Variants in SKAP1 observed in about 807,000 individuals in gnomAD.
The protein encoded by SKAP1 is src kinase-associated phosphoprotein 1.
SKAP1 carries 44 observed loss-of-function variants against 58.5 expected under a neutral mutation model. The observed-to-expected ratio is 0.75, with a 90% CI of 0.59 to 0.97. SKAP1 has a LOEUF of 0.97. Among genes scored for constraint, SKAP1 ranks in the 50% least tolerant of loss-of-function variants. SKAP1 has a pLI of 0.00. For synonymous variants in SKAP1, 127 were observed against 149.7 expected (o/e 0.85, Z 1.11); for missense variants, 390 against 435.2 (o/e 0.90, Z 0.92).
chr17:48,181,708 C>A (rs1478218095), intron 8 of SKAP1, among the ~76,000 whole-genome samples: 1 of 152,160 alleles, frequency 6.6e-6, no homozygotes, highest in Admixed American at 6.5e-5. Flanking sequence ...TAGGGTCCTG[C>A]CATGATGGTA....
chr17:48,280,307 T>A (rs559632018), intron 4 of SKAP1, among the ~76,000 whole-genome samples: 22 of 152,066 alleles, frequency 1.4e-4, no homozygotes, highest in African/African-American at 5.3e-4. Context: ...CCGTCTCTAC[T>A]AAAAATACAA....
intron 4 of SKAP1, among the ~76,000 whole-genome samples, chr17:48,317,999 G>A (rs2066311590): frequency 6.6e-6 from 1 of 152,070 alleles, no homozygotes; most frequent in South Asian, 2.1e-4. Context: ...TTTAGAAAGT[G>A]TAATACTGTA....
chr17:48,345,755 A>T, intron 4 of SKAP1, 150 bp downstream of exon 4: 1 of 603,454 alleles, frequency 1.7e-6, no homozygotes, highest in Non-Finnish European at 3.0e-6. Context: ...ACCACAATGA[A>T]ACAAATAGTT....
intron 2 of SKAP1, among the ~76,000 whole-genome samples, chr17:48,392,553 C>A (rs769197768): frequency 6.6e-5 from 10 of 151,780 alleles, no homozygotes; most frequent in Non-Finnish European, 1.5e-4. Context: ...TAAGCCATAT[C>A]TCAATAATAA....
In SKAP1 at chr17:48,135,920, T is replaced by C. The variant is rs146247859; in HGVS notation, c.*7+1309A>G. On this transcript the variant is annotated intron_variant, in intron 12 of 12. Coordinates refer to ENST00000336915, the MANE Select transcript of SKAP1 (RefSeq NM_003726.4). The stretch of plus-strand genomic sequence containing the variant: ...ATATGTGGGGATTTTGGGGAAATGG[T>C]GCCCTGGGTTTGAGAGCTGGGGATA... Among the ~76,000 whole-genome samples the C allele has an allele frequency of 5.1e-3, 778 of 152,284 alleles. 1 individual carries two copies. Among genetic ancestry groups the C allele is most frequent in the African/African-American group, 0.014 (602 of 41,568 alleles).
intron 1 of SKAP1, among the ~76,000 whole-genome samples, chr17:48,410,693 A>G (rs1204070019): frequency 1.3e-5 from 2 of 151,972 alleles, no homozygotes; most frequent in Non-Finnish European, 2.9e-5. Flanking sequence ...TTGGGAGGCC[A>G]AGGTGGGCGG....
intron 1 of SKAP1, among the ~76,000 whole-genome samples, chr17:48,429,867 A>G (rs2144634083): frequency 6.6e-6 from 1 of 152,312 alleles, no homozygotes; most frequent in Non-Finnish European, 1.5e-5. Context: ...GCCTCAAGGC[A>G]AAAGAAGATG....
intron 3 of SKAP1, among the ~76,000 whole-genome samples, chr17:48,351,726 C>A (rs1391803164): frequency 1.3e-5 from 2 of 152,076 alleles, no homozygotes; most frequent in Non-Finnish European, 2.9e-5. Context: ...GAATAACAGC[C>A]TTCTTAAGAA....
chr17:48,282,938 T>G (rs1279489137), intron 4 of SKAP1, among the ~76,000 whole-genome samples: 1 of 152,138 alleles, frequency 6.6e-6, no homozygotes, highest in Non-Finnish European at 1.5e-5. Context: ...TCCATGTAAT[T>G]ATTTTCTCAG....
intron 11 of SKAP1, among the ~76,000 whole-genome samples, chr17:48,158,177 CAAA>C (rs55933327): frequency 0.03 from 3,211 of 106,228 alleles, 48 homozygotes; most frequent in Middle Eastern, 0.049. Context: ...AACTCTGTCT[CAAA>C]AAAAAAAAAA....
chr17:48,157,108 A>AGATT, intron 11 of SKAP1, among the ~76,000 whole-genome samples: 2 of 152,340 alleles, frequency 1.3e-5, no homozygotes, highest in East Asian at 3.9e-4. Flanking sequence ...TTTACAGGTG[A>AGATT]GGAAACTGAA....
At chr17:48,394,565 T>A (rs1233331500) in intron 2 of SKAP1, among the ~76,000 whole-genome samples, 2 of 152,180 alleles carry the variant, frequency 1.3e-5, no homozygotes, top group Non-Finnish European at 2.9e-5. Context: ...GGTCTCAAAC[T>A]CCTGGCCTCA....
At chr17:48,212,856 C>T (rs2064890448) in intron 4 of SKAP1, among the ~76,000 whole-genome samples, 1 of 152,128 alleles carries the variant, frequency 6.6e-6, no homozygotes, top group South Asian at 2.1e-4. Context: ...AAACATGGTG[C>T]TAAGGAGACG....
chr17:48,250,280 T>C, intron 4 of SKAP1, among the ~76,000 whole-genome samples: 1 of 71,644 alleles, frequency 1.4e-5, no homozygotes, highest in African/African-American at 6.0e-5. Context: ...CAGTTTTTTT[T>C]TTTTTTTTTT....
intron 1 of SKAP1, among the ~76,000 whole-genome samples, chr17:48,410,409 G>T (rs2067647561): frequency 6.6e-6 from 1 of 152,050 alleles, no homozygotes; most frequent in South Asian, 2.1e-4. Context: ...GGACCTAAAA[G>T]AAATGACATC....
intron 9 of SKAP1, among the ~76,000 whole-genome samples, chr17:48,173,320 A>G (rs2064242450): frequency 6.6e-6 from 1 of 152,198 alleles, no homozygotes; most frequent in Non-Finnish European, 1.5e-5. Context: ...AGAATGTTCT[A>G]CTTGACACCT....
intron 11 of SKAP1, among the ~76,000 whole-genome samples, chr17:48,145,840 A>G (rs1005624607): frequency 1.3e-5 from 2 of 152,136 alleles, no homozygotes; most frequent in East Asian, 3.9e-4. Flanking sequence ...TGAGAATTCA[A>G]TTTCTAGGCT....
chr17:48,295,786 C>T (rs16954931), intron 4 of SKAP1, among the ~76,000 whole-genome samples: 26,217 of 151,438 alleles, frequency 0.17, 2,320 homozygotes, highest in Non-Finnish European at 0.19. Context: ...ATTATACTTC[C>T]GGTCTCCATC....
At chr17:48,288,189 G>A (rs531076436) in intron 4 of SKAP1, among the ~76,000 whole-genome samples, 10 of 152,278 alleles carry the variant, frequency 6.6e-5, no homozygotes, top group Admixed American at 4.6e-4. Flanking sequence ...TAATGAAGGC[G>A]TGTTCTGATT....
Sources: gnomAD v4.1 joint callset for allele counts (sites outside exome capture counted in the v4.1 genomes callset) on GRCh38, gnomAD v4.1.1 for gene constraint, MANE v1.5 for transcripts, NCBI Gene and HGNC (gene_info 2026-07-23, HGNC 2026-07-21) for gene names.